The following TIAM1 variants were observed in gnomAD, a reference collection of about 807,000 sequenced individuals.
TIAM1 encodes the protein TIAM Rac1 associated GEF 1, also known as rho guanine nucleotide exchange factor TIAM1.
Under a neutral mutation model 163.5 loss-of-function variants are expected in TIAM1, and 65 were observed. That is an observed-to-expected ratio of 0.40 (90% CI 0.33 to 0.49). TIAM1 has a LOEUF of 0.49. Ranked by LOEUF, TIAM1 falls within the 20% of genes least tolerant of loss-of-function variation. The pLI is 0.77. For missense variants in TIAM1, 1,789 were observed against 2,044.7 expected (o/e 0.87, Z 2.41); for synonymous variants, 833 against 810.1 (o/e 1.03, Z -0.48).
chr21:31,353,835 C>CTTTTTTTTTTTTTTTTTTTTT lies in TIAM1; in HGVS notation c.-368-14434_-368-14414dup, dbSNP rs71193103. 9.8e-5 allele frequency among the ~76,000 whole-genome samples: 7 copies of CTTTTTTTTTTTTTTTTTTTTT among 71,234 alleles called. 1 individual carries two copies. Among genetic ancestry groups the CTTTTTTTTTTTTTTTTTTTTT allele is most frequent in the Non-Finnish European group, 1.2e-4 (5 of 40,946 alleles). 46.7% of individuals were successfully genotyped at this position (71,234 alleles called of 152,430 possible). ...TGTTTTTATTTATTTATTTATTTAT[C>CTTTTTTTTTTTTTTTTTTTTT]TTTTTTTTTTTTTTTTTTTTTGAGA... On this transcript the variant is annotated intron_variant, in intron 2 of 28. Transcript: ENST00000286827.
At chr21:31,186,932 C>A (rs2085332901) in intron 14 of TIAM1, 69 bp downstream of exon 14, 6 of 1,311,882 alleles carry the variant, frequency 4.6e-6, no homozygotes, top group Non-Finnish European at 6.6e-6. Context: ...ATATCTTTCT[C>A]CTTCAAAAAC....
intron 1 of TIAM1, among the ~76,000 whole-genome samples, chr21:31,516,688 A>C (rs2047394130): frequency 6.6e-6 from 1 of 151,132 alleles, no homozygotes; most frequent in Admixed American, 6.6e-5. Flanking sequence ...AAAAAAAAGA[A>C]GGAGAAGAAA....
chr21:31,521,099 T>G (rs1034049555), intron 1 of TIAM1, among the ~76,000 whole-genome samples: 3 of 152,214 alleles, frequency 2.0e-5, no homozygotes, highest in African/African-American at 7.2e-5. Context: ...TGCTTGCTTG[T>G]TCCTCAACTT....
In TIAM1 at chr21:31,426,013, G is replaced by A. The variant is rs543470837; in HGVS notation, c.-369+37970C>T. ...TTCCCAAAGTGCTGGGATTACAGGC[G>A]TAAACCACCGCGCCCAGACCATTTT... On this transcript the variant is annotated intron_variant, in intron 2 of 28. Transcript: ENST00000286827. Among the ~76,000 whole-genome samples, 14 of 152,230 alleles carry A rather than the reference G, an allele frequency of 9.2e-5. No individual in the cohort carries two copies. In the South Asian group the frequency reaches 1.9e-3, roughly 20 times the overall value.
intron 2 of TIAM1, among the ~76,000 whole-genome samples, chr21:31,444,858 C>T (rs182547786): frequency 2.5e-4 from 38 of 152,188 alleles, no homozygotes; most frequent in Non-Finnish European, 4.0e-4. Flanking sequence ...ATTAGCAATG[C>T]ATGGTCGCAC....
At chr21:31,554,773 G>C (rs1369618568) in intron 1 of TIAM1, among the ~76,000 whole-genome samples, 1 of 152,184 alleles carries the variant, frequency 6.6e-6, no homozygotes, top group Non-Finnish European at 1.5e-5. Context: ...CTCCGTGGTA[G>C]GATGCAGTCT....
Position 31,124,661 on chromosome 21 carries a change from A to G in TIAM1, c.4167T>C (p.Ala1389=). 6.2e-7 allele frequency: 1 copy of G among 1,601,390 alleles called. No homozygotes were observed. Among genetic ancestry groups the G allele is most frequent in the Non-Finnish European group, 8.5e-7 (1 of 1,173,926 alleles). Residue 1389 remains alanine (A), a synonymous_variant, in exon 27 of 28, where the codon GCT becomes GCC. Coordinates refer to ENST00000541036, the MANE Select transcript of TIAM1 (RefSeq NM_001353694.2). ...GCTTATCACGCAGGATTGAATGCAC[A>G]GCCTTTAGGAAATCCTTTCGGCTCT... is the stretch of plus-strand genomic sequence containing the variant. ...SPESRKDFLK[A]VHSILRDKHR... is the part of the protein sequence containing the mutation.
At chr21:31,122,100 G>A (rs1056054954) in intron 27 of TIAM1, among the ~76,000 whole-genome samples, 4 of 152,156 alleles carry the variant, frequency 2.6e-5, no homozygotes, top group African/African-American at 9.7e-5. Flanking sequence ...GGTCAACGAG[G>A]GGCTGAATTG....
chr21:31,123,265 T>C (rs1286051212), intron 27 of TIAM1, among the ~76,000 whole-genome samples: 3 of 152,192 alleles, frequency 2.0e-5, no homozygotes, highest in African/African-American at 7.2e-5. Context: ...GAGACACATA[T>C]TCCCAAACCT....
chr21:31,366,656 A>G (rs1159771373), intron 2 of TIAM1, among the ~76,000 whole-genome samples: 1 of 152,132 alleles, frequency 6.6e-6, no homozygotes, highest in Non-Finnish European at 1.5e-5. Flanking sequence ...TTGCTCTGTC[A>G]CCCAGGCTGG....
chr21:31,262,121 T>A (rs1484038035), intron 4 of TIAM1, among the ~76,000 whole-genome samples: 1 of 152,190 alleles, frequency 6.6e-6, no homozygotes, highest in Non-Finnish European at 1.5e-5. Context: ...AATGAGGCAA[T>A]CTTCAACATC....
At chr21:31,507,540 C>G (rs2047074307) in intron 1 of TIAM1, among the ~76,000 whole-genome samples, 1 of 152,090 alleles carries the variant, frequency 6.6e-6, no homozygotes, top group Admixed American at 6.5e-5. Context: ...TATCACACTT[C>G]TCCATAACTA....
upstream of TIAM1, among the ~76,000 whole-genome samples, chr21:31,348,364 T>C (rs2833385): frequency 0.15 from 22,861 of 152,220 alleles, 1,779 homozygotes; most frequent in Middle Eastern, 0.19. Flanking sequence ...CGTCCTCACC[T>C]ATGTCACCTA....
Position 31,118,568 on chromosome 21 carries a change from T to C in TIAM1, c.*1800A>G, listed in dbSNP as rs999408309. On this transcript the variant is annotated 3_prime_UTR_variant, in exon 28 of 28. Coordinates refer to ENST00000541036, the MANE Select transcript of TIAM1 (RefSeq NM_001353694.2). ...TCATGACCTTATGTACAAGAGACAA[T>C]GGCACCCTCTCCAAGCACCAGACTT... 6 of 471,596 alleles carry C rather than the reference T, an allele frequency of 1.3e-5. No individual in the cohort carries two copies. The highest frequency in any genetic ancestry group is 2.6e-5 in the Non-Finnish European group (6 of 227,184). The allele number at this position is 471,596 out of a possible 1,614,324, so 29.2% of individuals were successfully genotyped here.
At chr21:31,407,843 G>C (rs372401441) in intron 2 of TIAM1, among the ~76,000 whole-genome samples, 1 of 151,882 alleles carries the variant, frequency 6.6e-6, no homozygotes, top group East Asian at 1.9e-4. Flanking sequence ...TCACCATGTT[G>C]GCCAGGCTGG....
chr21:31,476,251 G>T lies in TIAM1; in HGVS notation c.-421-12216C>A, dbSNP rs550616442. On this transcript the variant is annotated intron_variant, in intron 1 of 28. Coordinates refer to the TIAM1 transcript ENST00000286827. ...CAATGAAATGTGCATTATTAGCTTT[G>T]CCAGAGTTATAAAAATGTCTCCTAG... 5.9e-5 allele frequency among the ~76,000 whole-genome samples: 9 copies of T among 152,294 alleles called. No individual in the cohort carries two copies. In the South Asian group the frequency reaches 1.7e-3, roughly 28 times the overall value.
At chr21:31,249,216 G>A (rs1271227517) in intron 5 of TIAM1, among the ~76,000 whole-genome samples, 1 of 152,156 alleles carries the variant, frequency 6.6e-6, no homozygotes, top group Admixed American at 6.5e-5. Context: ...TATAAATGGT[G>A]CCATTATAAG....
At chr21:31,287,501 G>T (rs1013052871) in intron 2 of TIAM1, among the ~76,000 whole-genome samples, 3 of 152,206 alleles carry the variant, frequency 2.0e-5, no homozygotes, top group African/African-American at 4.8e-5. Context: ...TGAAGAAATA[G>T]ACTAATTCTG....
chr21:31,425,224 T>C (rs1422934400), intron 2 of TIAM1, among the ~76,000 whole-genome samples: 3 of 152,014 alleles, frequency 2.0e-5, no homozygotes, highest in Non-Finnish European at 4.4e-5. Context: ...AATGCACAGA[T>C]GGAAAGGAAA....
Sources: gnomAD v4.1 joint callset for allele counts (sites outside exome capture counted in the v4.1 genomes callset) on GRCh38, gnomAD v4.1.1 for gene constraint, MANE v1.5 for transcripts, NCBI Gene and HGNC (gene_info 2026-07-23, HGNC 2026-07-21) for gene names.